Variants in DTNB observed in about 807,000 individuals in gnomAD.
DTNB encodes dystrobrevin beta.
DTNB carries 63 observed loss-of-function variants against 90.7 expected under a neutral mutation model. That is an observed-to-expected ratio of 0.69 (90% CI 0.57 to 0.86). The LOEUF is 0.86. Ranked by LOEUF, DTNB falls within the 40% of genes least tolerant of loss-of-function variation. The probability of loss-of-function intolerance (pLI) is 0.00; values close to 1 mark genes in which losing one functional copy is unlikely to be tolerated. For synonymous variants in DTNB, 277 were observed against 286.7 expected (o/e 0.97, Z 0.34); for missense variants, 744 against 807.1 (o/e 0.92, Z 0.95).
At chr2:25,588,363 C>T (rs1350992881) in intron 6 of DTNB, among the ~76,000 whole-genome samples, 2 of 151,776 alleles carry the variant, frequency 1.3e-5, no homozygotes, top group Admixed American at 6.6e-5. Context: ...TACTCTCTTC[C>T]GAGAACTTTT....
chr2:25,630,294 C>G (rs1359893816), intron 3 of DTNB, among the ~76,000 whole-genome samples: 1 of 152,182 alleles, frequency 6.6e-6, no homozygotes, highest in Non-Finnish European at 1.5e-5. Flanking sequence ...GGTGCAAATG[C>G]AAAAGCATGC....
intron 9 of DTNB, among the ~76,000 whole-genome samples, chr2:25,486,990 A>C (rs2066329330): frequency 6.6e-6 from 1 of 152,146 alleles, no homozygotes; most frequent in South Asian, 2.1e-4. Flanking sequence ...AATAAGATAT[A>C]CCATTTTTTC....
intron 7 of DTNB, 97 bp downstream of exon 7, chr2:25,580,624 G>A: frequency 8.6e-7 from 1 of 1,167,124 alleles, no homozygotes; most frequent in Non-Finnish European, 1.2e-6. Flanking sequence ...AATGTCAACT[G>A]TAATTTTCAA....
intron 1 of DTNB, among the ~76,000 whole-genome samples, chr2:25,665,504 T>C (rs1039089607): frequency 3.9e-5 from 6 of 152,094 alleles, no homozygotes; most frequent in African/African-American, 7.2e-5. Flanking sequence ...CATGCGCCTA[T>C]AGTCCCAGCT....
chr2:25,639,613 A>AC (rs946134732), intron 2 of DTNB, among the ~76,000 whole-genome samples: 5 of 152,124 alleles, frequency 3.3e-5, no homozygotes, highest in Non-Finnish European at 7.4e-5. Flanking sequence ...AAAAAAAAAA[A>AC]AAAGCCACAA....
chr2:25,381,533 C>G (rs574724552), intron 19 of DTNB, among the ~76,000 whole-genome samples: 1 of 152,206 alleles, frequency 6.6e-6, no homozygotes, highest in Non-Finnish European at 1.5e-5. Flanking sequence ...GTGTGCACTA[C>G]CACATCCGGC....
chr2:25,583,260 A>T (rs1339244513), intron 6 of DTNB, among the ~76,000 whole-genome samples: 96 of 144,414 alleles, frequency 6.6e-4, no homozygotes, highest in Middle Eastern at 7.0e-3. Context: ...AAAAAAAAAA[A>T]AAATATATAT....
intron 10 of DTNB, among the ~76,000 whole-genome samples, chr2:25,460,921 G>A (rs190699361): frequency 4.0e-4 from 60 of 148,218 alleles, no homozygotes; most frequent in Non-Finnish European, 6.4e-4. Flanking sequence ...TTTTTGAGAC[G>A]GAGTCTCACT....
At chr2:25,441,926 G>A (rs960122776) in intron 12 of DTNB, among the ~76,000 whole-genome samples, 6 of 152,296 alleles carry the variant, frequency 3.9e-5, no homozygotes, top group South Asian at 4.1e-4. Flanking sequence ...TGGCTAGGAA[G>A]ATGATGACAT....
chr2:25,539,787 T>C (rs1376457749), intron 8 of DTNB, among the ~76,000 whole-genome samples: 1 of 152,110 alleles, frequency 6.6e-6, no homozygotes, highest in Non-Finnish European at 1.5e-5. Context: ...AAGAAATATT[T>C]CCCTTCCTGA....
chr2:25,607,231 C>G lies in DTNB; in HGVS notation c.448+5G>C. ...GCATTTTTCAAATAATATGAAAATACTTACATCTCAATTTGTCCAGCATTT... is the reference window on the plus strand; with the variant it reads ...GCATTTTTCAAATAATATGAAAATAGTTACATCTCAATTTGTCCAGCATTT... On this transcript the variant is annotated splice_donor_5th_base_variant and intron_variant, in intron 5 of 20. Transcript: ENST00000406818. The G allele has an allele frequency of 2.5e-6, 4 of 1,588,336 alleles. No homozygotes were observed. Among genetic ancestry groups the G allele is most frequent in the Non-Finnish European group, 3.4e-6 (4 of 1,166,566 alleles).
chr2:25,390,591 G>A (rs1190585077), intron 16 of DTNB, among the ~76,000 whole-genome samples: 2 of 151,318 alleles, frequency 1.3e-5, no homozygotes, highest in Non-Finnish European at 2.9e-5. Flanking sequence ...TTACAGGTGC[G>A]TGTGTGCCAC....
rs1234713169 is a variant in DTNB, at chr2:25,419,533, C to T, written c.1557G>A (p.Glu519=). ...QLEELMKLLK[E]EEQKQAAQAT... is the part of the protein sequence containing the mutation. ...CACTTACTGCCTGCTTTTGCTCTTC[C>T]TCCTGGAGTGTTGAAGATGAAAAAA... The change falls in exon 16 of 21, where the codon GAG becomes GAA. Residue 519 remains glutamate (E), a splice_region_variant and synonymous_variant. Coordinates refer to ENST00000406818, the MANE Select transcript of DTNB (RefSeq NM_021907.5). The T allele has an allele frequency of 6.4e-7, 1 of 1,557,134 alleles. No homozygotes were observed. The highest frequency in any genetic ancestry group is 8.7e-7 in the Non-Finnish European group (1 of 1,150,050).
At chr2:25,412,234 G>T (rs969377955) in intron 16 of DTNB, among the ~76,000 whole-genome samples, 2 of 152,104 alleles carry the variant, frequency 1.3e-5, no homozygotes, top group Non-Finnish European at 2.9e-5. Flanking sequence ...CAGAAAGGGG[G>T]GCTTCCTGGA....
intron 9 of DTNB, among the ~76,000 whole-genome samples, chr2:25,484,330 C>T (rs941988813): frequency 6.6e-5 from 10 of 152,196 alleles, no homozygotes; most frequent in Admixed American, 2.0e-4. Flanking sequence ...GAACTAACTA[C>T]CTTCTGGTTT....
intron 19 of DTNB, among the ~76,000 whole-genome samples, chr2:25,382,530 T>TC (rs1425077257): frequency 7.2e-6 from 1 of 139,502 alleles, no homozygotes; most frequent in Non-Finnish European, 1.6e-5. Flanking sequence ...TTTTTTTTTT[T>TC]TTTTTTTTTT....
intron 6 of DTNB, chr2:25,594,939 G>A (rs1434800523): frequency 4.6e-5 from 7 of 152,300 alleles, no homozygotes; most frequent in South Asian, 2.1e-4. Flanking sequence ...AATAACGTCC[G>A]TTATAGCAAC....
chr2:25,451,574 G>A lies in DTNB; in HGVS notation c.1231C>T (p.Arg411Trp), dbSNP rs754736341. The part of the protein sequence containing the change: ...EHRLIARYAA[R>W]LAAEAGNVTR... ...ACGTTTCCTGCTTCTGCAGCCAGCC[G>A]GGCAGCATAGCGAGCTATAAGACGG... Residue 411 changes from arginine to tryptophan, a missense_variant, in exon 12 of 21, where the codon CGG becomes TGG. Arg to Trp is a moderately radical substitution (Grantham distance 101). Coordinates refer to ENST00000406818, the MANE Select transcript of DTNB (RefSeq NM_021907.5). 43 of 1,608,842 alleles carry A rather than the reference G, an allele frequency of 2.7e-5. No individual in the cohort carries two copies. The highest frequency in any genetic ancestry group is 1.3e-4 in the South Asian group (12 of 89,524).
chr2:25,652,548 A>G lies in DTNB; in HGVS notation c.67+46T>C, dbSNP rs79347566. The stretch of plus-strand genomic sequence containing the variant: ...GACTTGATCTAAAAAAAAAAAAAAA[A>G]CCACACAAACATTCCCGCACATATG... On this transcript the variant is annotated intron_variant, in intron 2 of 20. Transcript: ENST00000406818. 7.1e-6 allele frequency: 11 copies of G among 1,548,550 alleles called. No individual in the cohort carries two copies. The Admixed American group carries it at 1.7e-4, about 24-fold the overall frequency.
Sources: allele counts gnomAD v4.1 joint callset (sites outside exome capture counted in the v4.1 genomes callset), GRCh38; gene constraint gnomAD v4.1.1; transcripts MANE v1.5; gene names NCBI Gene and HGNC (gene_info 2026-07-23, HGNC 2026-07-21).